The following IL19 variants were observed in gnomAD, a reference collection of about 807,000 sequenced individuals.
IL19 encodes interleukin 19, also known as interleukin-19.
IL19 carries 15 observed loss-of-function variants against 19.5 expected under a neutral mutation model. The observed-to-expected ratio is 0.77, with a 90% CI of 0.52 to 1.19. The LOEUF is 1.19. Ranked by LOEUF, IL19 falls within the 50% of genes most tolerant of loss-of-function variation. The pLI is 0.00. For synonymous variants in IL19, 78 were observed against 78.3 expected, an observed-to-expected ratio of 1.00 and a Z score of 0.02; for missense variants, 199 against 213.1, an observed-to-expected ratio of 0.93 and a Z score of 0.41.
chr1:206,775,723 C>T (rs45484902), intron 1 of IL19, among the ~76,000 whole-genome samples: 62 of 152,200 alleles, frequency 4.1e-4, no homozygotes, highest in Non-Finnish European at 7.3e-4. Context: ...GGGGAAAAGT[C>T]CCAAGCCCAT....
At chr1:206,771,157 T>G in intron 1 of IL19, 79 bp downstream of exon 1, 1 of 1,398,474 alleles carries the variant, frequency 7.2e-7, no homozygotes, top group Non-Finnish European at 1.0e-6. Flanking sequence ...GTTCTAGCGA[T>G]CCTCCTTCAC....
intron 1 of IL19, among the ~76,000 whole-genome samples, chr1:206,792,931 T>C (rs74148794): frequency 1.9e-3 from 282 of 152,318 alleles, no homozygotes; most frequent in African/African-American, 6.4e-3. Flanking sequence ...GGGGAACTAA[T>C]TGGCATATAA....
rs183694213 is a variant in IL19, at chr1:206,795,910, C to T, written c.-148-2951C>T. On this transcript the variant is annotated intron_variant, in intron 1 of 6. Transcript: ENST00000659997. The stretch of plus-strand genomic sequence containing the variant: ...ATGAGGATTTTCCAGAGAAACAGAA[C>T]CAATATAAATATATATATGTGTGTG... Among the ~76,000 whole-genome samples the T allele has an allele frequency of 5.3e-4, 73 of 138,736 alleles. No homozygotes were observed. The East Asian group carries it at 8.0e-3, about 15-fold the overall frequency. The allele number at this position is 138,736 out of a possible 152,430, so 91.0% of individuals were successfully genotyped here.
intron 1 of IL19, among the ~76,000 whole-genome samples, chr1:206,793,538 G>GTGC (rs1675454209): frequency 6.6e-6 from 1 of 152,160 alleles, no homozygotes; most frequent in African/African-American, 2.4e-5. Flanking sequence ...CTCTGTCAAG[G>GTGC]TGCTGCTCGG....
At chr1:206,826,405 G>A (rs1003666098) in intron 2 of IL19, among the ~76,000 whole-genome samples, 1 of 152,212 alleles carries the variant, frequency 6.6e-6, no homozygotes, top group Non-Finnish European at 1.5e-5. Flanking sequence ...AGGATTTGAG[G>A]AGCTGGGATG....
intron 2 of IL19, among the ~76,000 whole-genome samples, chr1:206,800,270 A>C (rs1399330982): frequency 6.6e-6 from 1 of 152,248 alleles, no homozygotes; most frequent in African/African-American, 2.4e-5. Context: ...CGTTTCCTCT[A>C]AACTAGGCTT....
Position 206,798,961 on chromosome 1 carries a change from C to T in IL19, c.-48C>T, listed in dbSNP as rs778367541. ...CTTACCACTCACACATGTGCACACA[C>T]ATATCCATGTGTGTGTGCCAGTGCT... On this transcript the variant is annotated 5_prime_UTR_variant, in exon 2 of 7. Coordinates refer to ENST00000659997, the MANE Select transcript of IL19 (RefSeq NM_153758.5). The T allele has an allele frequency of 1.2e-6, 2 of 1,613,962 alleles. No homozygotes were observed. The highest frequency in any genetic ancestry group is 1.1e-5 in the South Asian group (1 of 91,070).
chr1:206,799,566 A>G (rs1323488900), intron 2 of IL19, among the ~76,000 whole-genome samples: 1 of 152,256 alleles, frequency 6.6e-6, no homozygotes, highest in Non-Finnish European at 1.5e-5. Flanking sequence ...ATCTCTGAGC[A>G]GTTTGCAGAG....
chr1:206,777,196 A>T (rs1340615309), intron 1 of IL19, among the ~76,000 whole-genome samples: 6 of 138,484 alleles, frequency 4.3e-5, no homozygotes, highest in African/African-American at 1.6e-4. Context: ...GCGTCACTGC[A>T]CTCCAGCCTG....
At chr1:206,829,744 T>C (rs560751148) in intron 2 of IL19, among the ~76,000 whole-genome samples, 66 of 152,258 alleles carry the variant, frequency 4.3e-4, no homozygotes, top group African/African-American at 1.6e-3. Flanking sequence ...TTGGGCTCTT[T>C]CCATTACTAT....
intron 2 of IL19, among the ~76,000 whole-genome samples, chr1:206,805,310 G>T (rs952956969): frequency 6.6e-6 from 1 of 152,184 alleles, no homozygotes; most frequent in Non-Finnish European, 1.5e-5. Flanking sequence ...ATATATACCA[G>T]GTGGTAGAGG....
chr1:206,775,119 C>T (rs1451453208), intron 1 of IL19, among the ~76,000 whole-genome samples: 1 of 151,882 alleles, frequency 6.6e-6, no homozygotes, highest in Non-Finnish European at 1.5e-5. Context: ...CAGCTCACTG[C>T]AAGCTCTGCC....
At chr1:206,772,225 A>G (rs767089372) in intron 1 of IL19, 5 of 1,554,216 alleles carry the variant, frequency 3.2e-6, no homozygotes, top group Non-Finnish European at 4.4e-6. Context: ...TGTCTAGTTC[A>G]GGCAGTCCCA....
chr1:206,826,052 C>T (rs1676427498), intron 2 of IL19, among the ~76,000 whole-genome samples: 1 of 152,150 alleles, frequency 6.6e-6, no homozygotes, highest in Non-Finnish European at 1.5e-5. Flanking sequence ...CCTCCACCTT[C>T]AAGTCTGATA....
In IL19 at chr1:206,836,993, G is replaced by A; in HGVS notation, c.180G>A (p.Leu60=). The A allele has an allele frequency of 6.2e-7, 1 of 1,613,884 alleles. No individual in the cohort carries two copies. Among genetic ancestry groups the A allele is most frequent in the Non-Finnish European group, 8.5e-7 (1 of 1,179,786 alleles). Residue 60 remains leucine (L), a synonymous_variant, in exon 4 of 7, where the codon CTG becomes CTA. Transcript: ENST00000659997. ...AKDTFPNVTI[L]STLETLQIIK... The stretch of plus-strand genomic sequence containing the variant: ...ACACCTTCCCAAATGTCACTATCCT[G>A]TCCACATTGGAGACTCTGCAGATCA...
intron 2 of IL19, among the ~76,000 whole-genome samples, chr1:206,816,015 G>A (rs921889662): frequency 6.6e-6 from 1 of 151,890 alleles, no homozygotes; most frequent in Non-Finnish European, 1.5e-5. Flanking sequence ...TGACATTGAG[G>A]ACCTACTGTA....
chr1:206,773,332 T>G (rs1674909043), intron 1 of IL19, among the ~76,000 whole-genome samples: 1 of 152,146 alleles, frequency 6.6e-6, no homozygotes, highest in Non-Finnish European at 1.5e-5. Flanking sequence ...AACTGAGAAT[T>G]TGGTTTCCTC....
chr1:206,830,919 C>T (rs369219181), intron 2 of IL19, among the ~76,000 whole-genome samples: 81 of 152,244 alleles, frequency 5.3e-4, no homozygotes, highest in African/African-American at 1.8e-3. Flanking sequence ...CATACTTCTT[C>T]GTGTTTTATA....
At chr1:206,822,447 C>T (rs1572566726) in intron 2 of IL19, among the ~76,000 whole-genome samples, 1 of 152,180 alleles carries the variant, frequency 6.6e-6, no homozygotes, top group South Asian at 2.1e-4. Context: ...CTTAGAGAGG[C>T]CTTTCCTGAT....
Sources: gnomAD v4.1 joint callset for allele counts (sites outside exome capture counted in the v4.1 genomes callset) on GRCh38, gnomAD v4.1.1 for gene constraint, MANE v1.5 for transcripts, NCBI Gene and HGNC (gene_info 2026-07-23, HGNC 2026-07-21) for gene names.